Variants in NKAIN3 observed in about 807,000 individuals in gnomAD.
NKAIN3 encodes the protein sodium/potassium transporting ATPase interacting 3.
In NKAIN3, 25 loss-of-function variants were observed where a neutral mutation model predicts 30.2. That is an observed-to-expected ratio of 0.83 (90% CI 0.60 to 1.16). The LOEUF (loss-of-function observed/expected upper bound fraction) is 1.16. NKAIN3 is among the 50% of genes most tolerant of loss of function. The pLI is 0.00. For synonymous variants in NKAIN3, 91 were observed against 89.6 expected, an observed-to-expected ratio of 1.02 and a Z score of -0.09; for missense variants, 225 against 254.1, an observed-to-expected ratio of 0.89 and a Z score of 0.78.
At chr8:62,388,875 A>C (rs1817507110) in intron 1 of NKAIN3, among the ~76,000 whole-genome samples, 1 of 141,124 alleles carries the variant, frequency 7.1e-6, no homozygotes, top group South Asian at 2.3e-4. Flanking sequence ...CTAGTTGACC[A>C]AGAACTCTGT....
chr8:62,774,800 T>C (rs1490459500), intron 4 of NKAIN3, among the ~76,000 whole-genome samples: 2 of 152,120 alleles, frequency 1.3e-5, no homozygotes, highest in Non-Finnish European at 2.9e-5. Context: ...TTCAATTCAG[T>C]TTGCTAGTAT....
At chr8:62,540,907 A>G (rs1215814713) in intron 1 of NKAIN3, among the ~76,000 whole-genome samples, 3 of 152,152 alleles carry the variant, frequency 2.0e-5, no homozygotes, top group African/African-American at 7.2e-5. Context: ...ATTCCATCCT[A>G]TCATTCAAAT....
chr8:62,951,225 A>G (rs1420883788), intron 5 of NKAIN3, among the ~76,000 whole-genome samples: 1 of 152,068 alleles, frequency 6.6e-6, no homozygotes, highest in Non-Finnish European at 1.5e-5. Flanking sequence ...TCCAGCTGGT[A>G]GGGTCAGTGG....
At chr8:62,555,031 CACACACACACACACACACACACACAT>C (rs1300313552) in intron 1 of NKAIN3, among the ~76,000 whole-genome samples, 1 of 118,394 alleles carries the variant, frequency 8.4e-6, no homozygotes, top group African/African-American at 3.8e-5. Flanking sequence ...CACACACACA[CACACACACACACACACACACACACAT>C]GCCTAGCTAT....
chr8:62,734,659 G>C (rs1815590700), intron 3 of NKAIN3, among the ~76,000 whole-genome samples: 1 of 152,184 alleles, frequency 6.6e-6, no homozygotes, highest in Non-Finnish European at 1.5e-5. Flanking sequence ...AACCAAGAGA[G>C]AATACAGTCA....
intron 1 of NKAIN3, among the ~76,000 whole-genome samples, chr8:62,324,501 CACAA>C (rs1815048997): frequency 6.6e-6 from 1 of 152,066 alleles, no homozygotes. Context: ...CATTTTAAGG[CACAA>C]ACAATGGATT....
intron 4 of NKAIN3, among the ~76,000 whole-genome samples, chr8:62,849,917 G>C (rs527486051): frequency 6.6e-6 from 1 of 152,040 alleles, no homozygotes; most frequent in African/African-American, 2.4e-5. Flanking sequence ...GTAAACATAT[G>C]TGTGCATGTG....
chr8:62,469,900 A>T (rs902608325), intron 1 of NKAIN3, among the ~76,000 whole-genome samples: 35 of 152,176 alleles, frequency 2.3e-4, no homozygotes, highest in African/African-American at 8.2e-4. Flanking sequence ...TGTGTGGTTC[A>T]CACATCACTT....
chr8:62,532,723 T>C (rs1032079211), intron 1 of NKAIN3, among the ~76,000 whole-genome samples: 1 of 152,028 alleles, frequency 6.6e-6, no homozygotes, highest in Non-Finnish European at 1.5e-5. Flanking sequence ...TTCCATTCTA[T>C]GAAAAGGCTT....
chr8:62,846,275 C>T (rs1819686018), intron 4 of NKAIN3, among the ~76,000 whole-genome samples: 1 of 152,038 alleles, frequency 6.6e-6, no homozygotes, highest in Admixed American at 6.6e-5. Flanking sequence ...AAGTTTAGTT[C>T]CCTTTTAAAT....
In NKAIN3 at chr8:62,966,778, A is replaced by G. The variant is rs890473527; in HGVS notation, c.*1371A>G. On this transcript the variant is annotated 3_prime_UTR_variant, in exon 7 of 7. Transcript: ENST00000623646. ...CACAGTGAAGCTCCCTATAGGCCAG[A>G]AAGTTGTGAATATGTGGTTATTAAC... is the stretch of plus-strand genomic sequence containing the variant. Among the ~76,000 whole-genome samples the G allele has an allele frequency of 3.9e-5, 6 of 152,194 alleles. No homozygotes were observed. Among genetic ancestry groups the G allele is most frequent in the Non-Finnish European group, 8.8e-5 (6 of 68,032 alleles).
chr8:62,785,669 A>G (rs1053238436), intron 4 of NKAIN3, among the ~76,000 whole-genome samples: 1 of 152,180 alleles, frequency 6.6e-6, no homozygotes, highest in Non-Finnish European at 1.5e-5. Context: ...ATGCAAGATT[A>G]GCGAACATCC....
intron 4 of NKAIN3, among the ~76,000 whole-genome samples, chr8:62,824,113 A>T (rs986356646): frequency 3.9e-5 from 6 of 152,150 alleles, no homozygotes; most frequent in African/African-American, 1.4e-4. Context: ...GGAGATTGAG[A>T]TTTTATACCC....
At chr8:62,884,922 A>C (rs1284795431) in intron 4 of NKAIN3, among the ~76,000 whole-genome samples, 1 of 151,054 alleles carries the variant, frequency 6.6e-6, no homozygotes, top group East Asian at 1.9e-4. Flanking sequence ...ATTTCTATTC[A>C]ATAGCTTCCT....
chr8:62,274,390 G>A (rs1812868842), intron 1 of NKAIN3, among the ~76,000 whole-genome samples: 1 of 152,050 alleles, frequency 6.6e-6, no homozygotes, highest in African/African-American at 2.4e-5. Context: ...TGATTCCTGT[G>A]AACCAGCTGT....
At chr8:62,507,112 A>G (rs191552353) in intron 1 of NKAIN3, among the ~76,000 whole-genome samples, 1 of 152,310 alleles carries the variant, frequency 6.6e-6, no homozygotes, top group East Asian at 1.9e-4. Flanking sequence ...TGTATGAATA[A>G]TTTCCCTTTG....
chr8:62,477,912 A>G (rs1187870697), intron 1 of NKAIN3, among the ~76,000 whole-genome samples: 1 of 152,208 alleles, frequency 6.6e-6, no homozygotes. Context: ...CCTGGCAAAC[A>G]AACTAATATC....
chr8:62,255,952 G>A (rs1000915683), intron 1 of NKAIN3, among the ~76,000 whole-genome samples: 2 of 150,840 alleles, frequency 1.3e-5, no homozygotes, highest in Non-Finnish European at 3.0e-5. Context: ...GAGGTAGATC[G>A]AGGTTTGGGA....
intron 3 of NKAIN3, among the ~76,000 whole-genome samples, chr8:62,686,611 T>C (rs1246984144): frequency 2.6e-5 from 4 of 152,164 alleles, no homozygotes; most frequent in Admixed American, 1.3e-4. Flanking sequence ...GAATAATTAA[T>C]GGAAAATAGA....
Sources: gnomAD v4.1 joint callset for allele counts (sites outside exome capture counted in the v4.1 genomes callset) on GRCh38, gnomAD v4.1.1 for gene constraint, MANE v1.5 for transcripts, NCBI Gene and HGNC (gene_info 2026-07-23, HGNC 2026-07-21) for gene names.